Variants in CDH12 observed in about 807,000 individuals in gnomAD.
CDH12 encodes cadherin 12.
In CDH12, 41 loss-of-function variants were observed where a neutral mutation model predicts 74.1. The ratio of observed to expected loss-of-function variants is 0.55; its 90% confidence interval spans 0.43 to 0.72. The LOEUF (loss-of-function observed/expected upper bound fraction) is 0.72. Among genes scored for constraint, CDH12 ranks in the 30% least tolerant of loss-of-function variants. The pLI is 0.00. For missense variants in CDH12, 945 were observed against 977.2 expected (o/e 0.97, Z 0.44); for synonymous variants, 399 against 355.0 (o/e 1.12, Z -1.39).
chr5:22,786,591 G>A (rs905857944), intron 1 of CDH12, among the ~76,000 whole-genome samples: 1 of 152,120 alleles, frequency 6.6e-6, no homozygotes, highest in Non-Finnish European at 1.5e-5. Flanking sequence ...TGGCACATGT[G>A]TTATTGTATA....
rs184194694 is a variant in CDH12 at position 21,759,693 on chromosome 5, G to A, written c.1633+865C>T. On this transcript the variant is annotated intron_variant, in intron 13 of 14. Transcript: ENST00000382254. ...ATTTATTATTTATTTATTTTTTAAC[G>A]TTTATTTTAGATTTGAGGGTAACGT... Among the ~76,000 whole-genome samples, 1,454 of 151,776 alleles carry A rather than the reference G, an allele frequency of 9.6e-3. 15 individuals are homozygous for A. The highest frequency in any genetic ancestry group is 0.014 in the Non-Finnish European group (934 of 67,874).
intron 1 of CDH12, among the ~76,000 whole-genome samples, chr5:22,629,862 T>C (rs1283866355): frequency 2.0e-5 from 3 of 152,068 alleles, no homozygotes; most frequent in African/African-American, 4.8e-5. Context: ...GAAAACCCCA[T>C]AGTCTCTGCC....
intron 5 of CDH12, among the ~76,000 whole-genome samples, chr5:22,015,506 T>A (rs1162245536): frequency 6.6e-6 from 1 of 152,180 alleles, no homozygotes; most frequent in Non-Finnish European, 1.5e-5. Flanking sequence ...ATCAATAAAA[T>A]CTGCCAAAAT....
At chr5:22,241,733 C>T (rs979394134) in intron 3 of CDH12, among the ~76,000 whole-genome samples, 1 of 151,732 alleles carries the variant, frequency 6.6e-6, no homozygotes, top group African/African-American at 2.4e-5. Flanking sequence ...GCTATGAGTA[C>T]TAATTAAAAT....
intron 1 of CDH12, among the ~76,000 whole-genome samples, chr5:22,712,333 T>G (rs1743331855): frequency 6.6e-6 from 1 of 152,046 alleles, no homozygotes; most frequent in Non-Finnish European, 1.5e-5. Context: ...CTAATAAAAG[T>G]TTGTTTTATT....
Position 22,111,043 on chromosome 5 carries a change from C to T in CDH12, c.-186-32181G>A, listed in dbSNP as rs536040900. Among the ~76,000 whole-genome samples the T allele has an allele frequency of 2.6e-5, 4 of 152,226 alleles. No homozygotes were observed. In the South Asian group the frequency reaches 6.2e-4, roughly 24 times the overall value. On this transcript the variant is annotated intron_variant, in intron 4 of 14. Transcript: ENST00000382254. ...TGGCATATTCTTAACTCCTTGAGTG[C>T]GCAACCATGGATTCTACAAAGAGAG...
intron 5 of CDH12, among the ~76,000 whole-genome samples, chr5:22,008,155 T>A (rs1312472974): frequency 6.6e-6 from 1 of 152,190 alleles, no homozygotes; most frequent in Non-Finnish European, 1.5e-5. Flanking sequence ...TGAAATGATA[T>A]TCCCTGCTTT....
chr5:22,336,581 G>T (rs1247280407), intron 3 of CDH12, among the ~76,000 whole-genome samples: 1 of 152,206 alleles, frequency 6.6e-6, no homozygotes, highest in African/African-American at 2.4e-5. Flanking sequence ...GGTACAGCTT[G>T]GGCCATGGCT....
chr5:22,766,291 CA>C (rs1580978981), intron 1 of CDH12, among the ~76,000 whole-genome samples: 1 of 152,012 alleles, frequency 6.6e-6, no homozygotes, highest in East Asian at 1.9e-4. Context: ...CACAGGTGCA[CA>C]AAGACATGCA....
chr5:21,980,542 A>T (rs1757264880), intron 5 of CDH12, among the ~76,000 whole-genome samples: 2 of 152,032 alleles, frequency 1.3e-5, no homozygotes, highest in African/African-American at 4.8e-5. Flanking sequence ...CTGTGCTCCA[A>T]ACTTCTTTTA....
chr5:22,386,460 G>T (rs116652055), intron 3 of CDH12, among the ~76,000 whole-genome samples: 159 of 152,202 alleles, frequency 1.0e-3, no homozygotes, highest in African/African-American at 3.6e-3. Flanking sequence ...TTATTTTAGT[G>T]CAGTTCATTC....
chr5:22,228,293 A>G (rs956989262), intron 3 of CDH12, among the ~76,000 whole-genome samples: 1 of 152,128 alleles, frequency 6.6e-6, no homozygotes, highest in Non-Finnish European at 1.5e-5. Context: ...GACATTGGCC[A>G]AATATAACAC....
intron 6 of CDH12, among the ~76,000 whole-genome samples, chr5:21,872,789 T>A (rs962324490): frequency 9.6e-6 from 1 of 104,354 alleles, no homozygotes; most frequent in African/African-American, 4.6e-5. Flanking sequence ...GTAAGATCTA[T>A]CTATCTATCT....
chr5:21,803,902 C>CA (rs1241024313), intron 9 of CDH12, among the ~76,000 whole-genome samples: 5 of 151,806 alleles, frequency 3.3e-5, no homozygotes, highest in African/African-American at 9.7e-5. Flanking sequence ...AAAACAAAAA[C>CA]AAAAAAACAC....
At chr5:22,815,567 C>A (rs563699468) in intron 1 of CDH12, among the ~76,000 whole-genome samples, 20 of 151,802 alleles carry the variant, frequency 1.3e-4, no homozygotes, top group African/African-American at 4.3e-4. Context: ...GTCAGGAGTT[C>A]GAGACTAGCC....
At chr5:21,851,427 G>A (rs1416520613) in intron 7 of CDH12, among the ~76,000 whole-genome samples, 1 of 150,098 alleles carries the variant, frequency 6.7e-6, no homozygotes, top group African/African-American at 2.4e-5. Flanking sequence ...GATTATAGAT[G>A]TTTATAAATA....
chr5:22,007,851 T>G (rs1476117778), intron 5 of CDH12, among the ~76,000 whole-genome samples: 5 of 152,216 alleles, frequency 3.3e-5, no homozygotes, highest in Non-Finnish European at 7.3e-5. Flanking sequence ...ATCATTTTGT[T>G]ATTTTGTGGC....
chr5:21,850,893 AG>A (rs1260484483), intron 7 of CDH12, among the ~76,000 whole-genome samples: 1 of 151,428 alleles, frequency 6.6e-6, no homozygotes, highest in African/African-American at 2.4e-5. Context: ...ACATTTATAA[AG>A]GACGTATTTT....
chr5:22,532,977 G>A (rs552520004), intron 1 of CDH12, among the ~76,000 whole-genome samples: 2 of 151,642 alleles, frequency 1.3e-5, no homozygotes, highest in African/African-American at 2.4e-5. Flanking sequence ...AAGTATACAG[G>A]GCAAATTACT....
Sources: allele counts gnomAD v4.1 joint callset (sites outside exome capture counted in the v4.1 genomes callset), GRCh38; gene constraint gnomAD v4.1.1; transcripts MANE v1.5; gene names NCBI Gene and HGNC (gene_info 2026-07-23, HGNC 2026-07-21).